ZNF438: variants seen among roughly 807,000 people sequenced by gnomAD.
The protein encoded by ZNF438 is zinc finger protein 438.
A neutral mutation model predicts 38.0 loss-of-function variants in ZNF438; 25 were observed. The observed-to-expected ratio is 0.66, with a 90% CI of 0.48 to 0.92. The LOEUF is 0.92. ZNF438 is among the 40% of genes least tolerant of loss of function. ZNF438 has a pLI of 0.00. For synonymous variants in ZNF438, 372 were observed against 364.1 expected (o/e 1.02, Z -0.25); for missense variants, 1,007 against 999.6 (o/e 1.01, Z -0.10).
chr10:30,987,319 CA>C (rs367636159), intron 1 of ZNF438, among the ~76,000 whole-genome samples: 133 of 102,942 alleles, frequency 1.3e-3, no homozygotes, highest in African/African-American at 1.3e-3. Context: ...ACCCCTGTCT[CA>C]AAAAAAAAAA....
At chr10:31,014,169 G>GA (rs1306036246) in intron 1 of ZNF438, among the ~76,000 whole-genome samples, 15 of 151,424 alleles carry the variant, frequency 9.9e-5, no homozygotes, top group South Asian at 4.2e-4. Context: ...TGTGTGATCT[G>GA]AAAAAAAACA....
At position 30,874,101 on chromosome 10, in the gene ZNF438, GGGGT is replaced by G. The variant is rs144955901; in HGVS notation, c.37+2893_37+2896del. 8.1e-3 allele frequency among the ~76,000 whole-genome samples: 123 copies of G among 15,138 alleles called. 1 individual carries two copies. The highest frequency in any genetic ancestry group is 0.04 in the African/African-American group (110 of 2,756). 9.9% of individuals were successfully genotyped at this position (15,138 alleles called of 152,430 possible). A position where few individuals can be genotyped will look rare whatever the true frequency, so the allele number is the denominator to read the frequency against. ...GTAATATATTACGTGTGGGTGTGTG[GGGGT>G]GTGTGTGTGTATATATATATATATA... is the stretch of plus-strand genomic sequence containing the variant. On this transcript the variant is annotated intron_variant, in intron 4 of 5. Coordinates refer to ENST00000413025, the Ensembl canonical transcript of ZNF438.
chr10:30,874,555 G>A (rs2038118205), intron 4 of ZNF438, among the ~76,000 whole-genome samples: 1 of 151,988 alleles, frequency 6.6e-6, no homozygotes, highest in Non-Finnish European at 1.5e-5. Context: ...TTGAATGAAT[G>A]AATGAGTAAA....
At chr10:30,948,457 A>G (rs2047725980) in intron 1 of ZNF438, among the ~76,000 whole-genome samples, 1 of 152,202 alleles carries the variant, frequency 6.6e-6, no homozygotes, top group Non-Finnish European at 1.5e-5. Context: ...ACTCTGAGCT[A>G]CGGGAGGACA....
At chr10:31,015,203 T>C (rs1361614612) in intron 1 of ZNF438, among the ~76,000 whole-genome samples, 1 of 152,198 alleles carries the variant, frequency 6.6e-6, no homozygotes, top group Non-Finnish European at 1.5e-5. Flanking sequence ...ATCATAGCTG[T>C]CTTTATTATA....
intron 4 of ZNF438, among the ~76,000 whole-genome samples, chr10:30,854,993 A>G (rs1156482180): frequency 6.6e-6 from 1 of 152,244 alleles, no homozygotes; most frequent in African/African-American, 2.4e-5. Context: ...AAGTGTGAGA[A>G]AGCAACCTTC....
intron 1 of ZNF438, among the ~76,000 whole-genome samples, chr10:31,011,144 G>C (rs867842039): frequency 1.3e-5 from 2 of 152,184 alleles, no homozygotes; most frequent in Non-Finnish European, 2.9e-5. Flanking sequence ...TGAGGATTAA[G>C]AAGGCACAGG....
chr10:30,951,217 C>G (rs139553853), intron 1 of ZNF438, among the ~76,000 whole-genome samples: 5,282 of 151,494 alleles, frequency 0.035, 306 homozygotes, highest in African/African-American at 0.12. Context: ...ACTAAAAACT[C>G]TCAATAAATT....
intron 3 of ZNF438, among the ~76,000 whole-genome samples, chr10:30,902,900 T>A (rs746901284): frequency 1.3e-5 from 2 of 152,164 alleles, no homozygotes. Context: ...CAGGAGCCCA[T>A]GGCAGAGCGG....
intron 1 of ZNF438, among the ~76,000 whole-genome samples, chr10:30,989,880 TTTTA>T (rs1251960529): frequency 2.6e-5 from 4 of 151,650 alleles, no homozygotes; most frequent in East Asian, 1.9e-4. Context: ...TATGAAATAT[TTTTA>T]TTTTATCTTC....
rs10522911 is a variant in ZNF438 at position 30,943,859 on chromosome 10, A to AAAACAAAC, written c.-191-2216_-191-2209dup. On this transcript the variant is annotated intron_variant, in intron 1 of 5. Coordinates refer to ENST00000413025, the Ensembl canonical transcript of ZNF438. ...ATGCCATGCTTTTTCTTGAGATGGT[A>AAAACAAAC]AAACAAACAAACAAACAAACAAACA... Among the ~76,000 whole-genome samples, 500 of 150,716 alleles carry AAAACAAAC rather than the reference A, an allele frequency of 3.3e-3. 5 individuals are homozygous for AAAACAAAC. Among genetic ancestry groups the AAAACAAAC allele is most frequent in the South Asian group, 0.028 (135 of 4,772 alleles).
At chr10:30,959,664 C>T (rs1428141888) in intron 1 of ZNF438, among the ~76,000 whole-genome samples, 1 of 145,416 alleles carries the variant, frequency 6.9e-6, no homozygotes, top group Admixed American at 7.0e-5. Flanking sequence ...AGGAGAATGG[C>T]GTGAACCCGG....
At chr10:30,968,069 T>C (rs543897194) in intron 1 of ZNF438, among the ~76,000 whole-genome samples, 17 of 152,140 alleles carry the variant, frequency 1.1e-4, no homozygotes, top group African/African-American at 3.6e-4. Flanking sequence ...CATGATAAAA[T>C]CATGCTGTTC....
chr10:30,961,957 C>G (rs1415248337), intron 1 of ZNF438, among the ~76,000 whole-genome samples: 1 of 145,562 alleles, frequency 6.9e-6, no homozygotes, highest in African/African-American at 2.4e-5. Flanking sequence ...TTAAAACTAC[C>G]AGAGAGGCTA....
intron 1 of ZNF438, among the ~76,000 whole-genome samples, chr10:30,960,169 G>C (rs1357694143): frequency 6.8e-6 from 1 of 146,954 alleles, no homozygotes; most frequent in Admixed American, 6.8e-5. Context: ...TACATGTTTT[G>C]GATACAAGTC....
chr10:31,028,084 G>A (rs1464892400), intron 1 of ZNF438, among the ~76,000 whole-genome samples: 1 of 151,540 alleles, frequency 6.6e-6, no homozygotes, highest in Non-Finnish European at 1.5e-5. Context: ...CCAGCTATAC[G>A]AGATGTAATC....
intron 1 of ZNF438, among the ~76,000 whole-genome samples, chr10:30,969,630 G>A (rs748629466): frequency 3.3e-5 from 5 of 152,114 alleles, no homozygotes; most frequent in Non-Finnish European, 7.4e-5. Flanking sequence ...TGTGGACCCC[G>A]AAGTATACCA....
At chr10:30,902,721 A>G (rs1384769594) in intron 3 of ZNF438, among the ~76,000 whole-genome samples, 1 of 152,186 alleles carries the variant, frequency 6.6e-6, no homozygotes, top group East Asian at 1.9e-4. Context: ...CCAAGTCCTC[A>G]CTAGACTCAG....
chr10:30,855,642 A>G (rs2034489572), intron 4 of ZNF438, among the ~76,000 whole-genome samples: 1 of 152,238 alleles, frequency 6.6e-6, no homozygotes, highest in Non-Finnish European at 1.5e-5. Flanking sequence ...AACCCTCGTA[A>G]TTACTTAAGT....
Sources: gnomAD v4.1 joint callset for allele counts (sites outside exome capture counted in the v4.1 genomes callset) on GRCh38, gnomAD v4.1.1 for gene constraint, MANE v1.5 for transcripts, NCBI Gene and HGNC (gene_info 2026-07-23, HGNC 2026-07-21) for gene names.